OR2H2: variants seen among roughly 807,000 people sequenced by gnomAD.
OR2H2 encodes the protein olfactory receptor 2H2.
For missense variants in OR2H2, 295 were observed against 313.7 expected (o/e 0.94, Z 0.45); for synonymous variants, 146 against 132.4 (o/e 1.10, Z -0.71).
Position 29,588,425 on chromosome 6 carries a change from A to T in OR2H2, c.481A>T (p.Thr161Ser). The part of the protein sequence containing the change: ...LVESVVQTPS[T>S]LHLPFCPDRQ... ...GGAGTCAGTGGTCCAGACACCATCC[A>T]CCCTGCACCTGCCCTTCTGCCCCGA... The change falls in exon 2 of 2, where the codon ACC becomes TCC. Residue 161 changes from threonine to serine, a missense_variant. Physicochemically the swap from Thr to Ser is moderately conservative, Grantham distance 58. Coordinates refer to ENST00000641840, the MANE Select transcript of OR2H2 (RefSeq NM_007160.4). 1.3e-6 allele frequency: 2 copies of T among 1,504,320 alleles called. No homozygotes were observed. The highest frequency in any genetic ancestry group is 1.9e-6 in the Non-Finnish European group (2 of 1,080,900). 93.2% of individuals were successfully genotyped at this position (1,504,320 alleles called of 1,614,324 possible).
chr6:29,588,803 A>G lies in OR2H2; in HGVS notation c.859A>G (p.Ile287Val), dbSNP rs1288132676. The G allele has an allele frequency of 1.2e-6, 1 of 838,982 alleles. No homozygotes were observed. Among genetic ancestry groups the G allele is most frequent in the East Asian group, 2.4e-5 (1 of 41,498 alleles). The allele number at this position is 838,982 out of a possible 1,614,324, so 52.0% of individuals were successfully genotyped here. Residue 287 changes from isoleucine (I) to valine (V), a missense_variant, in exon 2 of 2, where the codon ATA becomes GTA. Coordinates refer to ENST00000641840, the MANE Select transcript of OR2H2 (RefSeq NM_007160.4). The part of the protein sequence containing the change: ...AVGTPSLNPL[I>V]YTLRNKEVTR... ...GGGCACTCCTTCACTTAACCCTCTC[A>G]TATACACCCTGAGGAACAAGGAGGT... is the stretch of plus-strand genomic sequence containing the variant.
rs190308864 is a variant in OR2H2, at chr6:29,587,655, T to C, written c.-275-15T>C. On this transcript the variant is annotated splice_polypyrimidine_tract_variant and intron_variant, in intron 1 of 1. Coordinates refer to ENST00000641840, the MANE Select transcript of OR2H2 (RefSeq NM_007160.4). ...TTAGTGCATATTTTAATCAGCCTCC[T>C]TTGCCCTCACCCAGGAAGTCAGAGG... 3 of 404,528 alleles carry C rather than the reference T, an allele frequency of 7.4e-6. No homozygotes were observed. The highest frequency in any genetic ancestry group is 6.0e-5 in the African/African-American group (3 of 50,138). 25.1% of individuals were successfully genotyped at this position (404,528 alleles called of 1,614,324 possible).
intron 1 of OR2H2, among the ~76,000 whole-genome samples, chr6:29,586,333 A>C (rs776737446): frequency 6.6e-6 from 1 of 152,164 alleles, no homozygotes; most frequent in Non-Finnish European, 1.5e-5. Flanking sequence ...TCTACTAAAA[A>C]TACAAAAATT....
intron 1 of OR2H2, among the ~76,000 whole-genome samples, chr6:29,586,392 G>A: frequency 6.6e-6 from 1 of 151,654 alleles, no homozygotes. Flanking sequence ...TTGGGAGGCT[G>A]AGGCAGGAGA....
At position 29,589,230 on chromosome 6, in the gene OR2H2, C is replaced by T; in HGVS notation, c.*347C>T. 3.7e-6 allele frequency: 1 copy of T among 267,334 alleles called. No homozygotes were observed. The allele number at this position is 267,334 out of a possible 1,614,324, so 16.6% of individuals were successfully genotyped here. On this transcript the variant is annotated 3_prime_UTR_variant, in exon 2 of 2. Coordinates refer to ENST00000641840, the MANE Select transcript of OR2H2 (RefSeq NM_007160.4). ...CTTCACCTCCAATTCTAATTCCTAC[C>T]ATATCTTCTTTGCTTCTCCCTCATG... is the stretch of plus-strand genomic sequence containing the variant.
chr6:29,590,118 G>A lies in OR2H2; in HGVS notation c.*1235G>A, dbSNP rs763297974. 6 of 152,160 alleles carry A rather than the reference G, an allele frequency of 3.9e-5. No homozygotes were observed. The highest frequency in any genetic ancestry group is 7.2e-5 in the African/African-American group (3 of 41,428). The allele number at this position is 152,160 out of a possible 1,614,324, so 9.4% of individuals were successfully genotyped here. On this transcript the variant is annotated 3_prime_UTR_variant, in exon 2 of 2. Transcript: ENST00000641840. ...AAAGTCAAAAAATGGTCAAAGTCAG[G>A]AACCCCCTGCAATTTACACATATTG...
chr6:29,588,036 C>T lies in OR2H2; in HGVS notation c.92C>T (p.Thr31Ile). 2 of 987,196 alleles carry T rather than the reference C, an allele frequency of 2.0e-6. No individual in the cohort carries two copies. The highest frequency in any genetic ancestry group is 1.3e-5 in the South Asian group (1 of 79,054). 61.2% of individuals were successfully genotyped at this position (987,196 alleles called of 1,614,324 possible). ...AGGACTCTCTTCGTGGTTGTCCTCA[C>T]TTCCTACCTCCTAACCCTAGTGGGC... ...LERTLFVVVL[T>I]SYLLTLVGNT... Residue 31 changes from threonine (T) to isoleucine (I), a missense_variant, in exon 2 of 2, where the codon ACT (threonine) becomes ATT (isoleucine). By Grantham distance (89) the Thr-to-Ile change is moderately conservative. Transcript: ENST00000641840.
rs1014711156 is a variant in OR2H2, at chr6:29,585,299, GCT to G, written c.-324_-323del. The G allele has an allele frequency of 1.3e-5, 2 of 152,284 alleles. No homozygotes were observed. Among genetic ancestry groups the G allele is most frequent in the African/African-American group, 4.8e-5 (2 of 41,548 alleles). 9.4% of individuals were successfully genotyped at this position (152,284 alleles called of 1,614,324 possible). ...AGTGGAGGCTGGGCACCAGTTAAGA[GCT>G]CTGTCATGGGGAATTGCTGGTACCA... On this transcript the variant is annotated 5_prime_UTR_variant, in exon 1 of 2. The change creates a premature stop within an existing upstream ORF in the 5' untranslated region. Transcript: ENST00000641840.
chr6:29,587,166 G>A (rs1487124058), intron 1 of OR2H2, among the ~76,000 whole-genome samples: 3 of 152,110 alleles, frequency 2.0e-5, no homozygotes, highest in East Asian at 1.9e-4. Context: ...GGAGTCTTTC[G>A]ATAATGTTCC....
In OR2H2 at chr6:29,588,058, G is replaced by A. The variant is rs1760397941; in HGVS notation, c.114G>A (p.Val38=). The part of the protein sequence containing the change: ...VVLTSYLLTL[V]GNTLIILLSA... ...TCACTTCCTACCTCCTAACCCTAGT[G>A]GGCAACACACTCATCATCCTGCTGT... is the stretch of plus-strand genomic sequence containing the variant. The change falls in exon 2 of 2, where the codon GTG becomes GTA. Residue 38 remains valine, a synonymous_variant. Coordinates refer to ENST00000641840, the MANE Select transcript of OR2H2 (RefSeq NM_007160.4). The A allele has an allele frequency of 1.1e-6, 1 of 949,088 alleles. No individual in the cohort carries two copies. The highest frequency in any genetic ancestry group is 1.7e-6 in the Non-Finnish European group (1 of 571,546). The allele number at this position is 949,088 out of a possible 1,614,324, so 58.8% of individuals were successfully genotyped here.
rs761483666 is a variant in OR2H2 at position 29,588,561 on chromosome 6, T to C, written c.617T>C (p.Val206Ala). Residue 206 changes from valine to alanine, a missense_variant, in exon 2 of 2, where the codon GTT becomes GCT. Val to Ala is a moderately conservative substitution (Grantham distance 64). Transcript: ENST00000641840. ...GCTGTTGCCAGTGTCTTCATCTTGG[T>C]TGTGCCTCTCAGCCTCATCCTTGTC... Reference protein sequence around the residue: ...QVAVASVFILVVPLSLILVSY... With the variant: ...QVAVASVFILAVPLSLILVSY... 3.8e-5 allele frequency: 37 copies of C among 982,416 alleles called. No individual in the cohort carries two copies. The highest frequency in any genetic ancestry group is 3.4e-4 in the South Asian group (27 of 78,496). The allele number at this position is 982,416 out of a possible 1,614,324, so 60.9% of individuals were successfully genotyped here.
chr6:29,586,995 C>T (rs1215983201), intron 1 of OR2H2, among the ~76,000 whole-genome samples: 1 of 152,156 alleles, frequency 6.6e-6, no homozygotes, highest in Non-Finnish European at 1.5e-5. Flanking sequence ...CAGTCACCTC[C>T]TCTAGGAAGC....
rs186579186 is a variant in OR2H2, at chr6:29,587,905, G to A, written c.-40G>A. 5.6e-4 allele frequency: 420 copies of A among 746,100 alleles called. 1 individual carries two copies. The highest frequency in any genetic ancestry group is 5.2e-3 in the African/African-American group (306 of 58,536). The allele number at this position is 746,100 out of a possible 1,614,324, so 46.2% of individuals were successfully genotyped here. On this transcript the variant is annotated 5_prime_UTR_variant, in exon 2 of 2. The change creates a new upstream start codon in the 5' untranslated region. Transcript: ENST00000641840. The stretch of plus-strand genomic sequence containing the variant: ...ATAAGACAGGTTGAATCACACTGGA[G>A]TGACAGCCTCATCCCTCCAGGTACA...
Position 29,585,733 on chromosome 6 carries a change from G to A in OR2H2, c.-276+383G>A, listed in dbSNP as rs957437305. 3.9e-5 allele frequency among the ~76,000 whole-genome samples: 6 copies of A among 152,228 alleles called. No individual in the cohort carries two copies. In the South Asian group the frequency reaches 6.2e-4, roughly 16 times the overall value. Reference sequence around the variant, plus strand: ...TGGGGCTCAAGAAATGAATAAATGCGTAGACCAATGCATGAATATTTCAGA... The same window carrying A: ...TGGGGCTCAAGAAATGAATAAATGCATAGACCAATGCATGAATATTTCAGA... On this transcript the variant is annotated intron_variant, in intron 1 of 1. Transcript: ENST00000641840.
rs1009545330 is a variant in OR2H2 at position 29,589,095 on chromosome 6, C to A, written c.*212C>A. Reference sequence around the variant, plus strand: ...TCTTTATGCGAAAAATTATAGGCATCAAGTATATTTTATATTTTTTTCTAC... The same window carrying A: ...TCTTTATGCGAAAAATTATAGGCATAAAGTATATTTTATATTTTTTTCTAC... On this transcript the variant is annotated 3_prime_UTR_variant, in exon 2 of 2. Coordinates refer to ENST00000641840, the MANE Select transcript of OR2H2 (RefSeq NM_007160.4). 1 of 555,292 alleles carries A rather than the reference C, an allele frequency of 1.8e-6. No homozygotes were observed. The highest frequency in any genetic ancestry group is 2.9e-5 in the East Asian group (1 of 34,598). The allele number at this position is 555,292 out of a possible 1,614,324, so 34.4% of individuals were successfully genotyped here.
chr6:29,586,998 T>C (rs970387159), intron 1 of OR2H2, among the ~76,000 whole-genome samples: 20 of 152,260 alleles, frequency 1.3e-4, no homozygotes, highest in African/African-American at 4.8e-4. Flanking sequence ...TCACCTCCTC[T>C]AGGAAGCTTT....
intron 1 of OR2H2, among the ~76,000 whole-genome samples, chr6:29,586,698 G>C (rs977986654): frequency 1.3e-5 from 2 of 152,082 alleles, no homozygotes; most frequent in African/African-American, 2.4e-5. Flanking sequence ...GGAAAAACAG[G>C]AAGAAGACAG....
Position 29,589,208 on chromosome 6 carries a change from C to T in OR2H2, c.*325C>T. ...CCTTGCCATATCCCCACTATTCCTTCACCTCCAATTCTAATTCCTACCATA... is the reference window on the plus strand; with the variant it reads ...CCTTGCCATATCCCCACTATTCCTTTACCTCCAATTCTAATTCCTACCATA... On this transcript the variant is annotated 3_prime_UTR_variant, in exon 2 of 2. Coordinates refer to ENST00000641840, the MANE Select transcript of OR2H2 (RefSeq NM_007160.4). The T allele has an allele frequency of 9.4e-6, 3 of 318,998 alleles. No homozygotes were observed. The highest frequency in any genetic ancestry group is 1.7e-5 in the Non-Finnish European group (3 of 173,550). The allele number at this position is 318,998 out of a possible 1,614,324, so 19.8% of individuals were successfully genotyped here.
In OR2H2 at chr6:29,588,128, T is replaced by C; in HGVS notation, c.184T>C (p.Ser62Pro). Residue 62 changes from serine (S) to proline (P), a missense_variant, in exon 2 of 2, where the codon TCC becomes CCC. Physicochemically the swap from Ser to Pro is moderately conservative, Grantham distance 74. Transcript: ENST00000641840. ...CCACTCTCCAATGTACTTTTTCCTC[T>C]CCAACCTCTCCTTCTTGGACCTCTG... ...KLHSPMYFFLSNLSFLDLCFT... is the reference protein window; with the variant it reads ...KLHSPMYFFLPNLSFLDLCFT... 1 of 1,100,544 alleles carries C rather than the reference T, an allele frequency of 9.1e-7. No individual in the cohort carries two copies. The highest frequency in any genetic ancestry group is 1.4e-6 in the Non-Finnish European group (1 of 710,968). 68.2% of individuals were successfully genotyped at this position (1,100,544 alleles called of 1,614,324 possible).
Sources: gnomAD v4.1 joint callset for allele counts (sites outside exome capture counted in the v4.1 genomes callset) on GRCh38, gnomAD v4.1.1 for gene constraint, MANE v1.5 for transcripts, NCBI Gene and HGNC (gene_info 2026-07-23, HGNC 2026-07-21) for gene names.